Variants in SDR42E1 observed in about 807,000 individuals in gnomAD.
The protein encoded by SDR42E1 is short-chain dehydrogenase/reductase family 42E member 1.
A neutral mutation model predicts 2.6 loss-of-function variants in SDR42E1; 5 were observed. The observed-to-expected ratio is 1.94, with a 90% confidence interval of 1.01 to 4.08. The LOEUF is 4.08. Ranked by LOEUF, SDR42E1 falls within the 30% of genes most tolerant of loss-of-function variation. The pLI is 0.00. For synonymous variants in SDR42E1, 231 were observed against 188.3 expected, an observed-to-expected ratio of 1.23 and a Z score of -1.86; for missense variants, 596 against 478.6, an observed-to-expected ratio of 1.25 and a Z score of -2.29.
intron 1 of SDR42E1, among the ~76,000 whole-genome samples, chr16:82,009,801 G>A (rs1477184853): frequency 6.6e-6 from 1 of 152,202 alleles, no homozygotes; most frequent in Admixed American, 6.5e-5. Flanking sequence ...AGATTTGGGA[G>A]GGGCCAGGGG....
Position 81,999,111 on chromosome 16 carries a change from T to G in SDR42E1, c.1182A>C (p.Ter394CysextTer6). Residue 394 changes from the stop codon to cysteine (C), a stop_lost, in exon 3 of 3, where the codon TGA (stop) becomes TGC (cysteine). Coordinates refer to ENST00000328945, the MANE Select transcript of SDR42E1 (RefSeq NM_145168.3). ...WLPSSVILSL[*>C] Reference sequence around the variant, plus strand: ...GATCACCTTATTTCTGGCCCCTCCTTCACAGTGACAGAATCACAGAAGAAG... The same window carrying G: ...GATCACCTTATTTCTGGCCCCTCCTGCACAGTGACAGAATCACAGAAGAAG... The G allele has an allele frequency of 6.2e-7, 1 of 1,612,664 alleles. No homozygotes were observed. Among genetic ancestry groups the G allele is most frequent in the Non-Finnish European group, 8.5e-7 (1 of 1,179,384 alleles).
intron 1 of SDR42E1, 97 bp from the exon 2 acceptor site, chr16:82,000,981 G>T (rs1912739749): frequency 2.7e-6 from 2 of 734,664 alleles, no homozygotes; most frequent in Non-Finnish European, 4.4e-6. Context: ...ATACGCTGTA[G>T]TAGAATGAAA....
intron 1 of SDR42E1, among the ~76,000 whole-genome samples, chr16:82,003,755 T>G (rs1412295404): frequency 6.6e-6 from 1 of 152,238 alleles, no homozygotes; most frequent in Admixed American, 6.5e-5. Flanking sequence ...TAAAACTATT[T>G]ACTTTTTATT....
In SDR42E1 at chr16:81,999,951, C is replaced by T. The variant is rs1378555720; in HGVS notation, c.342G>A (p.Arg114=). 6.2e-6 allele frequency: 10 copies of T among 1,614,164 alleles called. No homozygotes were observed. Among genetic ancestry groups the T allele is most frequent in the Non-Finnish European group, 7.6e-6 (9 of 1,180,024 alleles). ...DNILQVCQRR[R]VPRLVYTSTF... is the part of the protein sequence containing the mutation. ...TGCTGGTGTAAACTAACCTGGGCAC[C>T]CTTCTCCTTTGGCAAACCTGGAGGA... The change falls in exon 3 of 3, where the codon AGG becomes AGA. Residue 114 remains arginine (R), a synonymous_variant. Coordinates refer to ENST00000328945, the MANE Select transcript of SDR42E1 (RefSeq NM_145168.3).
At position 81,992,612 on chromosome 16, in the gene SDR42E1, C is replaced by G. The variant is rs1041714801; in HGVS notation, c.*6499G>C. 2 of 152,132 alleles carry G rather than the reference C, an allele frequency of 1.3e-5. No homozygotes were observed. Among genetic ancestry groups the G allele is most frequent in the Non-Finnish European group, 2.9e-5 (2 of 68,018 alleles). The allele number at this position is 152,132 out of a possible 1,614,324, so 9.4% of individuals were successfully genotyped here. A position where few individuals can be genotyped will look rare whatever the true frequency, so the allele number is the denominator to read the frequency against. On this transcript the variant is annotated 3_prime_UTR_variant, in exon 3 of 3. Coordinates refer to ENST00000328945, the MANE Select transcript of SDR42E1 (RefSeq NM_145168.3). Reference sequence around the variant, plus strand: ...GTAGAATACTTGCCAAGATTAAAATCTTGCATATTAGTAATGAAGAATTTT... The same window carrying G: ...GTAGAATACTTGCCAAGATTAAAATGTTGCATATTAGTAATGAAGAATTTT...
In SDR42E1 at chr16:81,993,080, TTG is replaced by T. The variant is rs1347589456; in HGVS notation, c.*6029_*6030del. 2 of 152,168 alleles carry T rather than the reference TTG, an allele frequency of 1.3e-5. No individual in the cohort carries two copies. The highest frequency in any genetic ancestry group is 1.3e-4 in the Admixed American group (2 of 15,278). The allele number at this position is 152,168 out of a possible 1,614,324, so 9.4% of individuals were successfully genotyped here. On this transcript the variant is annotated 3_prime_UTR_variant, in exon 3 of 3. Transcript: ENST00000328945. ...AGTCAGCACTGGGACGTAGCAGTGC[TTG>T]TCTGTGTCAACAAAGAACTGGGCCC...
In SDR42E1 at chr16:81,998,908, AC is replaced by A. The variant is rs1912625406; in HGVS notation, c.*202del. ...AAGCACATAACAAATCAAATTTCAAACTAATCTCTGCTTCTGCTTTTTCATT... is the reference window on the plus strand; with the variant it reads ...AAGCACATAACAAATCAAATTTCAAATAATCTCTGCTTCTGCTTTTTCATT... On this transcript the variant is annotated 3_prime_UTR_variant, in exon 3 of 3. Coordinates refer to ENST00000328945, the MANE Select transcript of SDR42E1 (RefSeq NM_145168.3). The A allele has an allele frequency of 3.3e-6, 2 of 611,284 alleles. No homozygotes were observed. Among genetic ancestry groups the A allele is most frequent in the Middle Eastern group, 4.4e-4 (1 of 2,274 alleles). The allele number at this position is 611,284 out of a possible 1,614,324, so 37.9% of individuals were successfully genotyped here.
intron 1 of SDR42E1, among the ~76,000 whole-genome samples, chr16:82,006,477 G>T (rs941873130): frequency 4.6e-5 from 7 of 152,158 alleles, no homozygotes; most frequent in African/African-American, 1.7e-4. Flanking sequence ...TTCTGATACA[G>T]ATAAAAGAGA....
At position 81,998,699 on chromosome 16, in the gene SDR42E1, C is replaced by T. The variant is rs958175119; in HGVS notation, c.*412G>A. The T allele has an allele frequency of 1.1e-5, 2 of 175,382 alleles. No homozygotes were observed. Among genetic ancestry groups the T allele is most frequent in the South Asian group, 1.4e-4 (1 of 6,924 alleles). The allele number at this position is 175,382 out of a possible 1,614,324, so 10.9% of individuals were successfully genotyped here. On this transcript the variant is annotated 3_prime_UTR_variant, in exon 3 of 3. Coordinates refer to ENST00000328945, the MANE Select transcript of SDR42E1 (RefSeq NM_145168.3). ...CTGGGCCAATTTGGTGTTTTTCACA[C>T]GCATTCAAGCCTGATAGTGTTTCGC... is the stretch of plus-strand genomic sequence containing the variant.
chr16:81,993,334 G>C lies in SDR42E1; in HGVS notation c.*5777C>G. 6.6e-6 allele frequency: 1 copy of C among 152,190 alleles called. No homozygotes were observed. The highest frequency in any genetic ancestry group is 2.4e-5 in the African/African-American group (1 of 41,436). The allele number at this position is 152,190 out of a possible 1,614,324, so 9.4% of individuals were successfully genotyped here. On this transcript the variant is annotated 3_prime_UTR_variant, in exon 3 of 3. Transcript: ENST00000328945. The stretch of plus-strand genomic sequence containing the variant: ...CTTGTTGAAAGATAAGAAACACCTA[G>C]AGTGCAGATTACCAACCAACACAGA...
At chr16:82,011,009 T>G (rs1234497154) in intron 1 of SDR42E1, among the ~76,000 whole-genome samples, 3 of 152,176 alleles carry the variant, frequency 2.0e-5, no homozygotes, top group Non-Finnish European at 2.9e-5. Context: ...CACTGCCACT[T>G]TTAAGTGGCA....
Position 82,011,394 on chromosome 16 carries a change from G to C in SDR42E1, c.-34C>G, listed in dbSNP as rs973582814. On this transcript the variant is annotated 5_prime_UTR_variant, in exon 1 of 3. Coordinates refer to ENST00000328945, the MANE Select transcript of SDR42E1 (RefSeq NM_145168.3). ...CAGCCCAGGCCCACTCACAGCTGCA[G>C]GAACAAGGGCGCGGCAGACGGCTAC... 1.3e-5 allele frequency: 2 copies of C among 152,604 alleles called. No individual in the cohort carries two copies. The highest frequency in any genetic ancestry group is 2.9e-5 in the Non-Finnish European group (2 of 68,386). The allele number at this position is 152,604 out of a possible 1,614,324, so 9.5% of individuals were successfully genotyped here.
intron 2 of SDR42E1, 101 bp from the exon 3 acceptor site, chr16:82,000,325 T>C (rs145422901): frequency 2.8e-6 from 4 of 1,420,114 alleles, no homozygotes; most frequent in Non-Finnish European, 3.9e-6. Context: ...CTGATCCAAG[T>C]CTTCTTGGCT....
At chr16:82,001,147 G>A (rs16956180) in intron 1 of SDR42E1, among the ~76,000 whole-genome samples, 4,425 of 152,206 alleles carry the variant, frequency 0.029, 235 homozygotes, top group African/African-American at 0.1. Context: ...AATGTACTTG[G>A]CAGTGCTTTG....
intron 1 of SDR42E1, among the ~76,000 whole-genome samples, chr16:82,005,402 C>T (rs1156599088): frequency 6.6e-6 from 1 of 152,122 alleles, no homozygotes; most frequent in Non-Finnish European, 1.5e-5. Flanking sequence ...AAAGCTTATC[C>T]ACCAGGCCAG....
chr16:82,006,175 T>C (rs1333844777), intron 1 of SDR42E1, among the ~76,000 whole-genome samples: 1 of 150,628 alleles, frequency 6.6e-6, no homozygotes, highest in Non-Finnish European at 1.5e-5. Flanking sequence ...AATTTAAGAC[T>C]GTTACCATAA....
chr16:82,000,397 A>C (rs760511304), intron 2 of SDR42E1, 173 bp from the exon 3 acceptor site: 2 of 802,246 alleles, frequency 2.5e-6, no homozygotes, highest in East Asian at 5.3e-5. Context: ...AAATTTTCAA[A>C]AGTGAGAATC....
Position 81,996,213 on chromosome 16 carries a change from T to C in SDR42E1, c.*2898A>G, listed in dbSNP as rs752791616. On this transcript the variant is annotated 3_prime_UTR_variant, in exon 3 of 3. Coordinates refer to ENST00000328945, the MANE Select transcript of SDR42E1 (RefSeq NM_145168.3). ...AAGATTTGCACCTTTATAGAGTCTC[T>C]TGGCTAGGCATGTGGAGAATGGACT... 13 of 152,208 alleles carry C rather than the reference T, an allele frequency of 8.5e-5. No homozygotes were observed. The highest frequency in any genetic ancestry group is 1.8e-4 in the Non-Finnish European group (12 of 68,068). The allele number at this position is 152,208 out of a possible 1,614,324, so 9.4% of individuals were successfully genotyped here.
intron 1 of SDR42E1, among the ~76,000 whole-genome samples, chr16:82,009,619 G>T (rs923159873): frequency 4.6e-5 from 7 of 152,200 alleles, no homozygotes; most frequent in Middle Eastern, 3.2e-3. Flanking sequence ...TACCCCCATT[G>T]TATCTAGGAA....
Sources: gnomAD v4.1 joint callset for allele counts (sites outside exome capture counted in the v4.1 genomes callset) on GRCh38, gnomAD v4.1.1 for gene constraint, MANE v1.5 for transcripts, NCBI Gene and HGNC (gene_info 2026-07-23, HGNC 2026-07-21) for gene names.